POGLUT2: variants seen among roughly 807,000 people sequenced by gnomAD.
The protein encoded by POGLUT2 is ER protein 58.
In POGLUT2, 47 loss-of-function variants were observed where a neutral mutation model predicts 57.6. The ratio of observed to expected loss-of-function variants is 0.82; its 90% CI spans 0.65 to 1.04. POGLUT2 has a LOEUF of 1.04. Ranked by LOEUF, POGLUT2 falls within the 50% of genes least tolerant of loss-of-function variation. The probability of loss-of-function intolerance (pLI) is 0.00; values close to 1 mark genes in which losing one functional copy is unlikely to be tolerated. For synonymous variants in POGLUT2, 200 were observed against 218.8 expected (o/e 0.91, Z 0.76); for missense variants, 565 against 614.8 (o/e 0.92, Z 0.86).
chr13:102,793,218 T>C (rs1227853769), intron 4 of POGLUT2, 123 bp downstream of exon 4: 1 of 614,554 alleles, frequency 1.6e-6, no homozygotes, highest in African/African-American at 1.8e-5. Flanking sequence ...AGCTTCAGAA[T>C]AGTATTATCA....
intron 2 of POGLUT2, among the ~76,000 whole-genome samples, chr13:102,795,753 A>C (rs1403133854): frequency 1.3e-5 from 2 of 152,178 alleles, no homozygotes; most frequent in East Asian, 3.8e-4. Flanking sequence ...GTGATACTGT[A>C]CCAGGCTGTA....
In POGLUT2 at chr13:102,789,901, C is replaced by T. The variant is rs7329172; in HGVS notation, c.1084-680G>A. Among the ~76,000 whole-genome samples the T allele has an allele frequency of 6.6e-5, 10 of 152,132 alleles. No homozygotes were observed. The South Asian group carries it at 1.7e-3, about 25-fold the overall frequency. ...GCGTGAGCCATCACGCCTGGCTAAC[C>T]GTATTTTTTAAACACCCAGACATAT... is the stretch of plus-strand genomic sequence containing the variant. On this transcript the variant is annotated intron_variant, in intron 6 of 9. Transcript: ENST00000376004.
At chr13:102,796,308 A>T (rs1233786023) in intron 2 of POGLUT2, among the ~76,000 whole-genome samples, 49 of 132,082 alleles carry the variant, frequency 3.7e-4, no homozygotes, top group East Asian at 1.4e-3. Context: ...AAAAAAAAAA[A>T]AAAATAAATA....
At chr13:102,790,252 C>T (rs1452463299) in intron 6 of POGLUT2, among the ~76,000 whole-genome samples, 1 of 152,224 alleles carries the variant, frequency 6.6e-6, no homozygotes, top group African/African-American at 2.4e-5. Context: ...GCAGACAGAA[C>T]TCGTTAATCA....
chr13:102,789,442 C>G (rs1878085308), intron 6 of POGLUT2, among the ~76,000 whole-genome samples: 1 of 152,176 alleles, frequency 6.6e-6, no homozygotes, highest in African/African-American at 2.4e-5. Flanking sequence ...GGATACAAAT[C>G]TAGTGTTGAA....
rs1445469939 is a variant in POGLUT2 at position 102,798,825 on chromosome 13, G to C, written c.-155C>G. On this transcript the variant is annotated 5_prime_UTR_variant, in exon 1 of 10. Transcript: ENST00000376004. ...CCCGGCGTGCAGGGCAGGCGCGCGG[G>C]TCTCCGCGACCCCAGGACAATCAAA... The C allele has an allele frequency of 2.8e-6, 2 of 711,152 alleles. No homozygotes were observed. The highest frequency in any genetic ancestry group is 4.4e-6 in the Non-Finnish European group (2 of 457,952). The allele number at this position is 711,152 out of a possible 1,614,324, so 44.1% of individuals were successfully genotyped here. A position where few individuals can be genotyped will look rare whatever the true frequency, so the allele number is the denominator to read the frequency against.
At position 102,793,287 on chromosome 13, in the gene POGLUT2, T is replaced by A. The variant is rs912451464; in HGVS notation, c.672+54A>T. The A allele has an allele frequency of 1.0e-5, 10 of 959,424 alleles. No homozygotes were observed. The Middle Eastern group carries it at 1.1e-3, about 104-fold the overall frequency. 59.4% of individuals were successfully genotyped at this position (959,424 alleles called of 1,614,324 possible). ...TAATTTGTATTTTGAAAAATTATCC[T>A]GTAAAATCTGGGCTTAAATTATCTA... On this transcript the variant is annotated intron_variant, in intron 4 of 9. Transcript: ENST00000376004.
At chr13:102,797,545 A>C (rs181030070) in intron 1 of POGLUT2, among the ~76,000 whole-genome samples, 1 of 152,114 alleles carries the variant, frequency 6.6e-6, no homozygotes, top group Admixed American at 6.5e-5. Flanking sequence ...CTGGGCAACA[A>C]GGTGAGATCC....
chr13:102,791,870 T>C (rs1169486257), intron 4 of POGLUT2: 1 of 687,668 alleles, frequency 1.5e-6, no homozygotes, highest in Non-Finnish European at 2.2e-6. Context: ...CAAGCTATGC[T>C]TCCTTCCTCT....
chr13:102,796,305 A>T (rs201421225), intron 2 of POGLUT2, among the ~76,000 whole-genome samples: 1,975 of 116,804 alleles, frequency 0.017, 18 homozygotes, highest in African/African-American at 0.028. Flanking sequence ...AAAAAAAAAA[A>T]AAAAAAATAA....
chr13:102,786,124 AG>A, intron 9 of POGLUT2, 107 bp downstream of exon 9: 3 of 725,138 alleles, frequency 4.1e-6, no homozygotes. Flanking sequence ...AGACCTCGAG[AG>A]GAACTCAAAT....
chr13:102,793,844 T>A lies in POGLUT2; in HGVS notation c.389-38A>T, dbSNP rs1055748067. On this transcript the variant is annotated intron_variant, in intron 2 of 9. Coordinates refer to ENST00000376004, the MANE Select transcript of POGLUT2 (RefSeq NM_024089.3). ...GAATAACAAAGTACAACAGTGATCA[T>A]TTCACTCAGCATTCGAAACTTGTAA... 3 of 1,546,098 alleles carry A rather than the reference T, an allele frequency of 1.9e-6. No homozygotes were observed. The South Asian group carries it at 3.3e-5, about 17-fold the overall frequency.
chr13:102,796,314 A>T (rs1393423045), intron 2 of POGLUT2, among the ~76,000 whole-genome samples: 2 of 141,718 alleles, frequency 1.4e-5, no homozygotes, highest in East Asian at 4.0e-4. Flanking sequence ...AAAAAAAAAT[A>T]AATAAATAAA....
At chr13:102,795,370 C>G (rs756671174) in intron 2 of POGLUT2, among the ~76,000 whole-genome samples, 4 of 151,580 alleles carry the variant, frequency 2.6e-5, no homozygotes, top group Non-Finnish European at 5.9e-5. Flanking sequence ...CGGGACCAGT[C>G]TGAGCAACAT....
rs1595308611 is a variant in POGLUT2, at chr13:102,790,847, T to C, written c.1083+54A>G. 2.5e-6 allele frequency: 3 copies of C among 1,183,112 alleles called. No individual in the cohort carries two copies. The East Asian group carries it at 7.0e-5, about 28-fold the overall frequency. The allele number at this position is 1,183,112 out of a possible 1,614,324, so 73.3% of individuals were successfully genotyped here. The stretch of plus-strand genomic sequence containing the variant: ...GCCTTAATTTCCCTTCCCAAAGCAC[T>C]ATGTACAAATACATTAGAAAAACAA... On this transcript the variant is annotated intron_variant, in intron 6 of 9. Coordinates refer to ENST00000376004, the MANE Select transcript of POGLUT2 (RefSeq NM_024089.3).
At chr13:102,795,517 T>C (rs1419112213) in intron 2 of POGLUT2, among the ~76,000 whole-genome samples, 1 of 152,182 alleles carries the variant, frequency 6.6e-6, no homozygotes, top group Non-Finnish European at 1.5e-5. Flanking sequence ...AAGCAGTGAT[T>C]GCACCACTGC....
chr13:102,796,752 CAT>C (rs1490090697), intron 2 of POGLUT2, 50 bp downstream of exon 2: 23 of 801,066 alleles, frequency 2.9e-5, no homozygotes, highest in South Asian at 1.5e-4. Context: ...GATGGAATAA[CAT>C]ATATTATTTT....
At chr13:102,790,858 A>T in intron 6 of POGLUT2, 43 bp downstream of exon 6, 1 of 1,290,614 alleles carries the variant, frequency 7.7e-7, no homozygotes, top group East Asian at 2.3e-5. Flanking sequence ...ATGTACAAAT[A>T]CATTAGAAAA....
Position 102,784,407 on chromosome 13 carries a change from C to A in POGLUT2, c.*88G>T. 1 of 771,814 alleles carries A rather than the reference C, an allele frequency of 1.3e-6. No individual in the cohort carries two copies. Among genetic ancestry groups the A allele is most frequent in the Admixed American group, 2.3e-5 (1 of 43,682 alleles). The allele number at this position is 771,814 out of a possible 1,614,324, so 47.8% of individuals were successfully genotyped here. A position where few individuals can be genotyped will look rare whatever the true frequency, so the allele number is the denominator to read the frequency against. On this transcript the variant is annotated 3_prime_UTR_variant, in exon 10 of 10. Transcript: ENST00000376004. ...AACAATCACACAGATTTTATATTGT[C>A]CATGGAATTAATACTTAAAAAAATT...
Sources: gnomAD v4.1 joint callset for allele counts (sites outside exome capture counted in the v4.1 genomes callset) on GRCh38, gnomAD v4.1.1 for gene constraint, MANE v1.5 for transcripts, NCBI Gene and HGNC (gene_info 2026-07-23, HGNC 2026-07-21) for gene names.